GSG1: variants seen among roughly 807,000 people sequenced by gnomAD.
GSG1 encodes germ cell-specific gene 1 protein.
In GSG1, 28 loss-of-function variants were observed where a neutral mutation model predicts 30.8. That is an observed-to-expected ratio of 0.91 (90% CI 0.67 to 1.25). The LOEUF is 1.25. Ranked by LOEUF, GSG1 falls within the 50% of genes most tolerant of loss-of-function variation. The probability of loss-of-function intolerance (pLI) is 0.00; values close to 1 mark genes in which losing one functional copy is unlikely to be tolerated. For missense variants in GSG1, 435 were observed against 444.7 expected, an observed-to-expected ratio of 0.98 and a Z score of 0.20; for synonymous variants, 162 against 178.0, an observed-to-expected ratio of 0.91 and a Z score of 0.71.
At chr12:13,099,137 G>T (rs555970057) in intron 1 of GSG1, among the ~76,000 whole-genome samples, 1 of 152,206 alleles carries the variant, frequency 6.6e-6, no homozygotes, top group Admixed American at 6.5e-5. Context: ...AGGACCCTGG[G>T]CCACAACGTC....
chr12:13,091,456 C>T (rs978869584), intron 1 of GSG1, among the ~76,000 whole-genome samples: 5 of 152,340 alleles, frequency 3.3e-5, no homozygotes, highest in African/African-American at 1.2e-4. Context: ...ATCCTAGCAC[C>T]GTAATCCCTT....
rs1863205813 is a variant in GSG1, at chr12:13,101,551, T to G, written c.48+1914A>C. Among the ~76,000 whole-genome samples, 2 of 152,124 alleles carry G rather than the reference T, an allele frequency of 1.3e-5. No homozygotes were observed. The highest frequency in any genetic ancestry group is 6.5e-5 in the Admixed American group (1 of 15,288). On this transcript the variant is annotated intron_variant, in intron 1 of 6. Transcript: ENST00000651961. This position sits in a 1 kb window ranked among gnomAD's most constrained non-coding sequence, Gnocchi z 5.8. ...GCGAGCCGCGGAGGGCGGGGCCACA[T>G]GTGTCCCGGAGCTGGGCCGGGGCGC...
chr12:13,089,988 G>T (rs1344058678), intron 2 of GSG1, among the ~76,000 whole-genome samples: 1 of 152,190 alleles, frequency 6.6e-6, no homozygotes, highest in East Asian at 1.9e-4. Flanking sequence ...GGCGGAGGTT[G>T]TGGTGAGCCA....
intron 6 of GSG1, among the ~76,000 whole-genome samples, chr12:13,086,646 G>A (rs975280132): frequency 1.3e-5 from 2 of 152,044 alleles, no homozygotes; most frequent in African/African-American, 4.8e-5. Flanking sequence ...AATGACCCTA[G>A]GGTAGTGAAG....
chr12:13,087,322 G>A lies in GSG1; in HGVS notation c.635-59C>T, dbSNP rs1591619912. On this transcript the variant is annotated intron_variant, in intron 5 of 6. Coordinates refer to ENST00000651961, the MANE Select transcript of GSG1 (RefSeq NM_001080555.4). Reference sequence around the variant, plus strand: ...GAAAGGCTTTCATGCCATCTGCCAGGAGTACGATTTTGGATCACCCTTCTT... The same window carrying A: ...GAAAGGCTTTCATGCCATCTGCCAGAAGTACGATTTTGGATCACCCTTCTT... 3.0e-6 allele frequency: 4 copies of A among 1,337,682 alleles called. No homozygotes were observed. The South Asian group carries it at 3.5e-5, about 12-fold the overall frequency. 82.9% of individuals were successfully genotyped at this position (1,337,682 alleles called of 1,614,324 possible). A position where few individuals can be genotyped will look rare whatever the true frequency, so the allele number is the denominator to read the frequency against.
At chr12:13,092,221 C>T (rs1012481832) in intron 1 of GSG1, among the ~76,000 whole-genome samples, 11 of 151,598 alleles carry the variant, frequency 7.3e-5, no homozygotes, top group African/African-American at 2.4e-4. Flanking sequence ...AGCCTCCAGC[C>T]GGCAAATCCT....
intron 1 of GSG1, among the ~76,000 whole-genome samples, chr12:13,095,360 C>T (rs1040797612): frequency 3.9e-5 from 6 of 152,182 alleles, no homozygotes; most frequent in Non-Finnish European, 1.5e-5. Flanking sequence ...ACTCTTTACT[C>T]GCTAGAAAAG....
At position 13,090,803 on chromosome 12, in the gene GSG1, C is replaced by CCTTCGAGAGCTCCATCTGTAATAGACAAG; in HGVS notation, c.49-14_63dup (p.Ala22LeufsTer174). ...AGGAGTGTCCGCTGGCCAGAGAAGG[C>CCTTCGAGAGCTCCATCTGTAATAGACAAG]CTTCGAGAGCTCCATCTGTAATAGA... On this transcript the variant is annotated frameshift_variant, in exon 2 of 7. Transcript: ENST00000651961. LOFTEE classifies it high-confidence loss of function. 1.2e-6 allele frequency: 2 copies of CCTTCGAGAGCTCCATCTGTAATAGACAAG among 1,610,852 alleles called. No homozygotes were observed. Among genetic ancestry groups the CCTTCGAGAGCTCCATCTGTAATAGACAAG allele is most frequent in the Non-Finnish European group, 1.7e-6 (2 of 1,177,988 alleles).
chr12:13,091,024 G>C (rs1252474938), intron 1 of GSG1, among the ~76,000 whole-genome samples: 2 of 152,158 alleles, frequency 1.3e-5, no homozygotes, highest in African/African-American at 4.8e-5. Flanking sequence ...AGCACCCTGA[G>C]GGCGTAAGAA....
chr12:13,087,103 C>A, intron 6 of GSG1, 49 bp downstream of exon 6: 1 of 1,286,616 alleles, frequency 7.8e-7, no homozygotes. Flanking sequence ...CAGAAAATCT[C>A]GTGAAGGTTG....
chr12:13,098,448 T>G (rs984343075), intron 1 of GSG1, among the ~76,000 whole-genome samples: 3 of 144,438 alleles, frequency 2.1e-5, no homozygotes, highest in Non-Finnish European at 4.5e-5. Context: ...GATTGTTTCA[T>G]GTAGCCCATT....
intron 1 of GSG1, chr12:13,095,809 C>T: frequency 1.4e-6 from 2 of 1,477,538 alleles, no homozygotes; most frequent in Non-Finnish European, 1.8e-6. Flanking sequence ...TAATAATTGA[C>T]AAGGCAATCA....
intron 6 of GSG1, 145 bp from the exon 7 acceptor site, chr12:13,085,388 T>C: frequency 1.4e-6 from 1 of 710,082 alleles, no homozygotes; most frequent in Non-Finnish European, 2.3e-6. Context: ...TAAAGAACTG[T>C]GGGAAGAGAA....
intron 1 of GSG1, among the ~76,000 whole-genome samples, chr12:13,092,194 G>T (rs1455730162): frequency 3.3e-5 from 5 of 152,224 alleles, no homozygotes; most frequent in Non-Finnish European, 5.9e-5. Flanking sequence ...CTCAAATGGT[G>T]AGAGTGGAAT....
intron 1 of GSG1, among the ~76,000 whole-genome samples, chr12:13,097,831 C>T (rs181401610): frequency 1.1e-4 from 17 of 152,166 alleles, no homozygotes; most frequent in Admixed American, 4.6e-4. Context: ...GCCGTTCCTC[C>T]CCCTCTTCCA....
chr12:13,093,316 C>G lies in GSG1; in HGVS notation c.49-2498G>C, dbSNP rs1405540941. Among the ~76,000 whole-genome samples, 2 of 152,178 alleles carry G rather than the reference C, an allele frequency of 1.3e-5. No homozygotes were observed. The highest frequency in any genetic ancestry group is 1.3e-4 in the Admixed American group (2 of 15,276). ...CTTCACTGACAGGTAGTAGCACTGA[C>G]TTGCTGAAGCATTTGCTATTGTAAC... On this transcript the variant is annotated intron_variant, in intron 1 of 6. Coordinates refer to ENST00000651961, the MANE Select transcript of GSG1 (RefSeq NM_001080555.4). This position sits in a 1 kb window ranked among gnomAD's most constrained non-coding sequence, Gnocchi z 4.6.
intron 3 of GSG1, 63 bp from the exon 4 acceptor site, chr12:13,088,972 C>T: frequency 6.3e-7 from 1 of 1,582,604 alleles, no homozygotes; most frequent in Non-Finnish European, 8.7e-7. Flanking sequence ...TGAAAACCTT[C>T]CCCACCCCAT....
chr12:13,088,760 G>A lies in GSG1; in HGVS notation c.481+102C>T, dbSNP rs1212861978. 8.7e-6 allele frequency: 14 copies of A among 1,613,544 alleles called. No homozygotes were observed. The Admixed American group carries it at 2.3e-4, about 27-fold the overall frequency. The stretch of plus-strand genomic sequence containing the variant: ...TACTTGCCACAAAGCCCCAAGGGAG[G>A]GGAGGGGAGGGAAGCCTTCTCCATC... On this transcript the variant is annotated intron_variant, in intron 4 of 6. Transcript: ENST00000651961.
chr12:13,102,775 A>G (rs1466468660), intron 1 of GSG1, among the ~76,000 whole-genome samples: 1 of 152,166 alleles, frequency 6.6e-6, no homozygotes, highest in Non-Finnish European at 1.5e-5. Context: ...AATGAACACC[A>G]TTTGTTTTTT....
Sources: allele counts gnomAD v4.1 joint callset (sites outside exome capture counted in the v4.1 genomes callset), GRCh38; gene constraint gnomAD v4.1.1; non-coding constraint Gnocchi (gnomAD v3.1); transcripts MANE v1.5; gene names NCBI Gene and HGNC (gene_info 2026-07-23, HGNC 2026-07-21).